The following PBX1 variants were observed in gnomAD, a reference collection of about 807,000 sequenced individuals.
PBX1 encodes PBX homeobox 1.
PBX1 carries 6 observed loss-of-function variants against 53.4 expected under a neutral mutation model. The observed-to-expected ratio is 0.11, with a 90% confidence interval of 0.06 to 0.22. PBX1 has a LOEUF of 0.22. Among genes scored for constraint, PBX1 ranks in the 10% least tolerant of loss-of-function variants. The probability of loss-of-function intolerance (pLI) is 1.00; values close to 1 mark genes in which losing one functional copy is unlikely to be tolerated. For synonymous variants in PBX1, 204 were observed against 212.3 expected, an observed-to-expected ratio of 0.96 and a Z score of 0.34; for missense variants, 251 against 551.4, an observed-to-expected ratio of 0.46 and a Z score of 5.46.
chr1:164,807,741 C>G (rs763878412), intron 5 of PBX1, 64 bp downstream of exon 5: 3 of 1,565,778 alleles, frequency 1.9e-6, no homozygotes, highest in Non-Finnish European at 2.6e-6. Context: ...GGGGCAGGCT[C>G]TTAGAGGTCT....
intron 2 of PBX1, among the ~76,000 whole-genome samples, chr1:164,573,159 T>C (rs61214713): frequency 0.13 from 20,351 of 152,142 alleles, 1,982 homozygotes; most frequent in East Asian, 0.52. Context: ...TTAATACTTC[T>C]TATTTAACCC....
chr1:164,642,645 C>T (rs959755736), intron 2 of PBX1: 1 of 152,122 alleles, frequency 6.6e-6, no homozygotes, highest in Non-Finnish European at 1.5e-5. Flanking sequence ...AATACAGTTC[C>T]TTTAATATCA....
intron 2 of PBX1, among the ~76,000 whole-genome samples, chr1:164,634,463 A>G (rs1332825683): frequency 6.6e-6 from 1 of 152,210 alleles, no homozygotes; most frequent in Non-Finnish European, 1.5e-5. Context: ...CTTTGAAAAG[A>G]GAGTGCTTTT....
chr1:164,719,848 G>T (rs1664307359), intron 2 of PBX1, among the ~76,000 whole-genome samples: 1 of 152,122 alleles, frequency 6.6e-6, no homozygotes, highest in African/African-American at 2.4e-5. Flanking sequence ...CTGGCCCTGT[G>T]ACAGGTGATC....
chr1:164,857,130 C>T (rs750314576), intron 2 of PBX1, among the ~76,000 whole-genome samples: 17 of 152,294 alleles, frequency 1.1e-4, no homozygotes, highest in African/African-American at 4.1e-4. Context: ...CAAGCCTGCC[C>T]TCACATCAGA....
intron 7 of PBX1, among the ~76,000 whole-genome samples, 170 bp from the exon 8 acceptor site, chr1:164,821,367 G>C (rs1004855300): frequency 5.3e-5 from 8 of 152,098 alleles, no homozygotes; most frequent in African/African-American, 1.9e-4. Flanking sequence ...TTATGGATTG[G>C]CATACGGAGG....
chr1:164,799,937 TG>T (rs1288981639), intron 4 of PBX1, 48 bp downstream of exon 4: 60 of 1,545,902 alleles, frequency 3.9e-5, no homozygotes, highest in Non-Finnish European at 5.1e-5. Context: ...GTCCCTGATC[TG>T]GGGCTGGAGT....
At chr1:164,795,101 A>G (rs910129253) in intron 3 of PBX1, among the ~76,000 whole-genome samples, 2 of 152,180 alleles carry the variant, frequency 1.3e-5, no homozygotes, top group Non-Finnish European at 2.9e-5. Flanking sequence ...CTTGCTCCTC[A>G]AGGCAATTTT....
At chr1:164,628,711 T>A (rs1361753231) in intron 2 of PBX1, among the ~76,000 whole-genome samples, 1 of 152,136 alleles carries the variant, frequency 6.6e-6, no homozygotes, top group Non-Finnish European at 1.5e-5. Flanking sequence ...GTCCTTTATA[T>A]CTGTATCTCT....
chr1:164,784,042 T>C (rs1373802847), intron 2 of PBX1, among the ~76,000 whole-genome samples: 2 of 152,288 alleles, frequency 1.3e-5, no homozygotes, highest in East Asian at 3.9e-4. Context: ...TTTTCATGCT[T>C]TTTATGTGTA....
At chr1:164,606,136 G>A (rs1036843603) in intron 2 of PBX1, among the ~76,000 whole-genome samples, 8 of 152,294 alleles carry the variant, frequency 5.3e-5, no homozygotes, top group African/African-American at 1.9e-4. Flanking sequence ...TTATTCAAGA[G>A]TTGTAATTTG....
intron 2 of PBX1, among the ~76,000 whole-genome samples, chr1:164,724,852 C>T (rs896056460): frequency 2.0e-5 from 3 of 151,920 alleles, no homozygotes; most frequent in African/African-American, 2.4e-5. Context: ...TCTTTGTTGC[C>T]TCTCCAGGTG....
chr1:164,612,444 A>G (rs570909358), intron 2 of PBX1, among the ~76,000 whole-genome samples: 1 of 152,146 alleles, frequency 6.6e-6, no homozygotes, highest in East Asian at 1.9e-4. Flanking sequence ...GCGTTTAGCC[A>G]CCTCTCGTAG....
chr1:164,739,282 T>C (rs1665467958), intron 2 of PBX1, among the ~76,000 whole-genome samples: 1 of 152,218 alleles, frequency 6.6e-6, no homozygotes, highest in South Asian at 2.1e-4. Flanking sequence ...CACATTCAGC[T>C]CCCTACCTTT....
At chr1:164,707,418 T>TGTGAGAGAGAGA (rs58617739) in intron 2 of PBX1, among the ~76,000 whole-genome samples, 51 of 118,264 alleles carry the variant, frequency 4.3e-4, no homozygotes, top group African/African-American at 1.9e-3. Context: ...TGTGTGTGTG[T>TGTGAGAGAGAGA]GAGAGAGAGA....
At chr1:164,787,583 T>C (rs1379860481) in intron 2 of PBX1, 1 of 152,228 alleles carries the variant, frequency 6.6e-6, no homozygotes, top group Non-Finnish European at 1.5e-5. Context: ...CCGCCAAGGA[T>C]GATCTTGACT....
chr1:164,747,657 C>T lies in PBX1; in HGVS notation c.266-44837C>T, dbSNP rs146251334. Among the ~76,000 whole-genome samples the T allele has an allele frequency of 1.3e-3, 202 of 152,230 alleles. 1 individual carries two copies. Among genetic ancestry groups the T allele is most frequent in the African/African-American group, 4.7e-3 (195 of 41,538 alleles). On this transcript the variant is annotated intron_variant, in intron 2 of 8. Coordinates refer to ENST00000420696, the MANE Select transcript of PBX1 (RefSeq NM_002585.4). ...TAAAGCAGGATTTTGCTTGCTGTCT[C>T]TTCTTAGGCTCAGGGTTAGAGCAAC...
intron 2 of PBX1, among the ~76,000 whole-genome samples, chr1:164,581,914 G>A (rs1357550826): frequency 6.6e-6 from 1 of 151,916 alleles, no homozygotes; most frequent in Non-Finnish European, 1.5e-5. Flanking sequence ...AATTTTCCAT[G>A]TCTTGGGGAT....
At chr1:164,687,398 C>CA (rs1418515350) in intron 2 of PBX1, among the ~76,000 whole-genome samples, 6 of 151,622 alleles carry the variant, frequency 4.0e-5, no homozygotes, top group Admixed American at 1.3e-4. Context: ...CCTGTCTCTA[C>CA]AAAAAATACA....
Sources: gnomAD v4.1 joint callset for allele counts (sites outside exome capture counted in the v4.1 genomes callset) on GRCh38, gnomAD v4.1.1 for gene constraint, MANE v1.5 for transcripts, NCBI Gene and HGNC (gene_info 2026-07-23, HGNC 2026-07-21) for gene names.